Variants in COL14A1 observed in about 807,000 individuals in gnomAD.
The protein encoded by COL14A1 is collagen alpha-1(XIV) chain.
Under a neutral mutation model 230.3 loss-of-function variants are expected in COL14A1, and 136 were observed. That is an observed-to-expected ratio of 0.59 (90% CI 0.51 to 0.68). COL14A1 has a LOEUF of 0.68. COL14A1 is among the 30% of genes least tolerant of loss of function. The probability of loss-of-function intolerance (pLI) is 0.00; values close to 1 mark genes in which losing one functional copy is unlikely to be tolerated. For synonymous variants in COL14A1, 792 were observed against 784.1 expected (o/e 1.01, Z -0.17); for missense variants, 1,976 against 2,215.8 (o/e 0.89, Z 2.17).
chr8:120,237,206 T>C (rs1278660340), intron 19 of COL14A1, among the ~76,000 whole-genome samples: 4 of 152,246 alleles, frequency 2.6e-5, no homozygotes, highest in Non-Finnish European at 5.9e-5. Flanking sequence ...AAGTGTGTTT[T>C]CCAACTTCGT....
At chr8:120,220,260 T>C (rs1411675002) in intron 14 of COL14A1, among the ~76,000 whole-genome samples, 1 of 150,564 alleles carries the variant, frequency 6.6e-6, no homozygotes, top group Non-Finnish European at 1.5e-5. Context: ...ATCTGCTTAG[T>C]ACCCAACATG....
At chr8:120,264,871 T>C (rs573334532) in intron 24 of COL14A1, among the ~76,000 whole-genome samples, 2 of 152,140 alleles carry the variant, frequency 1.3e-5, no homozygotes, top group African/African-American at 2.4e-5. Flanking sequence ...GAAACATTTG[T>C]GTTTAGGACC....
intron 37 of COL14A1, 42 bp downstream of exon 37, chr8:120,310,104 C>T (rs761344501): frequency 6.3e-7 from 1 of 1,597,344 alleles, no homozygotes. Flanking sequence ...TCATCTCTCT[C>T]TCTCTCTCAT....
At chr8:120,259,747 C>T (rs1819267268) in intron 23 of COL14A1, among the ~76,000 whole-genome samples, 1 of 152,164 alleles carries the variant, frequency 6.6e-6, no homozygotes, top group Admixed American at 6.6e-5. Flanking sequence ...AAGTGCATTT[C>T]TAGAATTGAC....
At chr8:120,132,563 AT>A (rs11371929) in intron 1 of COL14A1, among the ~76,000 whole-genome samples, 20 of 146,240 alleles carry the variant, frequency 1.4e-4, no homozygotes, top group East Asian at 4.0e-4. Context: ...TTTGTTTAGA[AT>A]TTTTTTTTTT....
intron 45 of COL14A1, among the ~76,000 whole-genome samples, chr8:120,350,215 C>T (rs2130312481): frequency 6.6e-6 from 1 of 152,204 alleles, no homozygotes; most frequent in South Asian, 2.1e-4. Context: ...CATGCCTGCC[C>T]TAAAAGAGCT....
intron 45 of COL14A1, among the ~76,000 whole-genome samples, chr8:120,347,984 C>T (rs1347515868): frequency 6.6e-6 from 1 of 151,998 alleles, no homozygotes; most frequent in African/African-American, 2.4e-5. Context: ...GCTTAGGCTT[C>T]CTATGAGCCT....
chr8:120,287,408 A>T (rs1481784232), intron 33 of COL14A1, among the ~76,000 whole-genome samples: 1 of 152,170 alleles, frequency 6.6e-6, no homozygotes, highest in African/African-American at 2.4e-5. Flanking sequence ...TTTCTTGGTT[A>T]TGGAGAGTGT....
intron 36 of COL14A1, among the ~76,000 whole-genome samples, chr8:120,304,315 A>G (rs944401034): frequency 6.6e-6 from 1 of 151,930 alleles, no homozygotes; most frequent in African/African-American, 2.4e-5. Context: ...TGCTTCTCTC[A>G]TTCTCTCAGT....
Position 120,212,549 on chromosome 8 carries a change from T to G in COL14A1, c.1569T>G (p.Ser523Arg). Reference protein sequence around the residue: ...TVYAMFGEEASDPVTGQETTL... With the variant: ...TVYAMFGEEARDPVTGQETTL... ...ATGCCATGTTTGGAGAAGAGGCCAG[T>G]GATCCTGTTACGGGACAAGAAACAA... is the stretch of plus-strand genomic sequence containing the variant. Residue 523 changes from serine (S) to arginine (R), a missense_variant, in exon 13 of 48, where the codon AGT becomes AGG. Ser to Arg is a moderately radical substitution (Grantham distance 110, BLOSUM62 -1). Coordinates refer to ENST00000297848, the MANE Select transcript of COL14A1 (RefSeq NM_021110.4). 1 of 1,613,626 alleles carries G rather than the reference T, an allele frequency of 6.2e-7. No individual in the cohort carries two copies. Among genetic ancestry groups the G allele is most frequent in the Non-Finnish European group, 8.5e-7 (1 of 1,179,654 alleles).
At chr8:120,262,763 T>A in intron 23 of COL14A1, 105 bp from the exon 24 acceptor site, 1 of 1,054,328 alleles carries the variant, frequency 9.5e-7, no homozygotes, top group Non-Finnish European at 1.3e-6. Context: ...AGTTATCTGA[T>A]GTGGGCTAAC....
intron 18 of COL14A1, 107 bp from the exon 19 acceptor site, chr8:120,231,360 G>C (rs1422832228): frequency 8.4e-7 from 1 of 1,192,546 alleles, no homozygotes; most frequent in African/African-American, 1.5e-5. Flanking sequence ...CTATATTACA[G>C]GGATACATTA....
Position 120,203,547 on chromosome 8 carries a change from G to A in COL14A1, c.878-162G>A, listed in dbSNP as rs555623851. ...TTTTTTCATTTCATCGGTTTATTTC[G>A]TGTGCGCATTTTAAATAAAATTTTA... On this transcript the variant is annotated intron_variant, in intron 8 of 47. Transcript: ENST00000297848. 1.3e-4 allele frequency among the ~76,000 whole-genome samples: 19 copies of A among 151,802 alleles called. 1 individual carries two copies. Among genetic ancestry groups the A allele is most frequent in the South Asian group, 4.2e-4 (2 of 4,810 alleles).
intron 8 of COL14A1, among the ~76,000 whole-genome samples, chr8:120,201,047 A>G (rs1242689784): frequency 6.6e-6 from 1 of 151,854 alleles, no homozygotes; most frequent in Non-Finnish European, 1.5e-5. Flanking sequence ...AAGAATTTCT[A>G]AGATAGCATT....
intron 47 of COL14A1, 172 bp from the exon 48 acceptor site, chr8:120,370,980 A>T: frequency 9.2e-7 from 1 of 1,086,170 alleles, no homozygotes; most frequent in Non-Finnish European, 1.3e-6. Flanking sequence ...TCGTCTATTT[A>T]CTAACTGTCT....
intron 36 of COL14A1, among the ~76,000 whole-genome samples, chr8:120,302,783 A>T (rs1230653342): frequency 6.6e-6 from 1 of 152,150 alleles, no homozygotes; most frequent in Non-Finnish European, 1.5e-5. Flanking sequence ...AAAGAATGTT[A>T]TTGGTAGTTT....
rs1281437618 is a variant in COL14A1 at position 120,336,291 on chromosome 8, C to T, written c.4785+3556C>T. The stretch of plus-strand genomic sequence containing the variant: ...AGCTGAGGGGTGGGAGTAGCGGCTT[C>T]AGGAGCATTTAGATGAGATCTTAGA... On this transcript the variant is annotated intron_variant, in intron 42 of 47. Coordinates refer to ENST00000297848, the MANE Select transcript of COL14A1 (RefSeq NM_021110.4). 7.2e-5 allele frequency among the ~76,000 whole-genome samples: 11 copies of T among 152,128 alleles called. 1 individual carries two copies. Among genetic ancestry groups the T allele is most frequent in the African/African-American group, 2.7e-4 (11 of 41,432 alleles).
At chr8:120,172,961 C>T (rs1275837723) in intron 5 of COL14A1, among the ~76,000 whole-genome samples, 1 of 152,148 alleles carries the variant, frequency 6.6e-6, no homozygotes, top group Non-Finnish European at 1.5e-5. Context: ...AAGTAAGTAG[C>T]TTATGATGAG....
rs201320911 is a variant in COL14A1, at chr8:120,209,736, T to TA, written c.1322-11dup. 2.1e-3 allele frequency: 3,267 copies of TA among 1,582,004 alleles called. 46 individuals are homozygous for TA. In the African/African-American group the frequency reaches 0.037, roughly 18 times the overall value. ...ACACATATATAAGTGGCTCAACATT[T>TA]AAAAAAAAATCTCTTGCAGTTGCTT... On this transcript the variant is annotated intron_variant, in intron 11 of 47. Coordinates refer to ENST00000297848, the MANE Select transcript of COL14A1 (RefSeq NM_021110.4).
Sources: allele counts gnomAD v4.1 joint callset (sites outside exome capture counted in the v4.1 genomes callset), GRCh38; gene constraint gnomAD v4.1.1; transcripts MANE v1.5; gene names NCBI Gene and HGNC (gene_info 2026-07-23, HGNC 2026-07-21).